Variants in AKR1B10 observed in about 807,000 individuals in gnomAD.
AKR1B10 encodes the protein aldo-keto reductase family 1 member B10, also known as ARP.
AKR1B10 carries 39 observed loss-of-function variants against 38.9 expected under a neutral mutation model. That is an observed-to-expected ratio of 1.00 (90% CI 0.78 to 1.31). AKR1B10 has a LOEUF of 1.31. Ranked by LOEUF, AKR1B10 falls within the 50% of genes most tolerant of loss-of-function variation. The pLI is 0.00. For synonymous variants in AKR1B10, 148 were observed against 141.2 expected (o/e 1.05, Z -0.34); for missense variants, 361 against 382.6 (o/e 0.94, Z 0.47).
At chr7:134,529,404 C>A (rs1341220957) in intron 1 of AKR1B10, among the ~76,000 whole-genome samples, 1 of 152,192 alleles carries the variant, frequency 6.6e-6, no homozygotes, top group Non-Finnish European at 1.5e-5. Flanking sequence ...GGAATCTACT[C>A]ACCCTGGGTG....
At chr7:134,530,889 T>G in intron 2 of AKR1B10, 79 bp downstream of exon 2, 1 of 1,530,064 alleles carries the variant, frequency 6.5e-7, no homozygotes, top group Admixed American at 2.1e-5. Flanking sequence ...GCAAGAACTC[T>G]GTCAGCCTTT....
In AKR1B10 at chr7:134,530,764, T is replaced by A. The variant is rs760550433; in HGVS notation, c.188T>A (p.Ile63Asn). 37 of 1,613,702 alleles carry A rather than the reference T, an allele frequency of 2.3e-5. 1 individual carries two copies. The highest frequency in any genetic ancestry group is 3.1e-5 in the Non-Finnish European group (36 of 1,179,896). ...GTGGGGGAAGCCATCCAAGAGAAGATCCAAGAGAAGGCTGTGAAGCGGGAG... is the reference window on the plus strand; with the variant it reads ...GTGGGGGAAGCCATCCAAGAGAAGAACCAAGAGAAGGCTGTGAAGCGGGAG... ...HEVGEAIQEK[I>N]QEKAVKREDL... Residue 63 changes from isoleucine (I) to asparagine (N), a missense_variant, in exon 2 of 10, where the codon ATC becomes AAC. By Grantham distance (149) the Ile-to-Asn change is moderately radical. Coordinates refer to ENST00000359579, the MANE Select transcript of AKR1B10 (RefSeq NM_020299.5).
intron 8 of AKR1B10, 43 bp downstream of exon 8, chr7:134,538,320 G>C: frequency 6.4e-7 from 1 of 1,569,456 alleles, no homozygotes; most frequent in Non-Finnish European, 8.8e-7. Context: ...TCAGTGGAGT[G>C]GGGGACAGGC....
rs1808062106 is a variant in AKR1B10, at chr7:134,538,194, G to T, written c.742G>T (p.Val248Phe). Residue 248 changes from valine (V) to phenylalanine (F), a missense_variant and splice_region_variant, in exon 8 of 10, where the codon GTT (valine) becomes TTT (phenylalanine). Coordinates refer to ENST00000359579, the MANE Select transcript of AKR1B10 (RefSeq NM_020299.5). ...AAKHKKTAAQ[V>F]LIRFHIQRNV... ...AGCCTGATGTCCCCTTTCCGCATAGGTTCTGATCCGTTTCCATATCCAGAG... is the reference window on the plus strand; with the variant it reads ...AGCCTGATGTCCCCTTTCCGCATAGTTTCTGATCCGTTTCCATATCCAGAG... The T allele has an allele frequency of 1.2e-6, 2 of 1,613,838 alleles. No homozygotes were observed. Among genetic ancestry groups the T allele is most frequent in the African/African-American group, 1.3e-5 (1 of 74,894 alleles).
In AKR1B10 at chr7:134,533,934, G is replaced by C. The variant is rs565512122; in HGVS notation, c.429+853G>C. 2.0e-5 allele frequency among the ~76,000 whole-genome samples: 3 copies of C among 152,322 alleles called. No individual in the cohort carries two copies. The East Asian group carries it at 5.8e-4, about 29-fold the overall frequency. ...AATGAACAGTGGCTTATGACTCCAAGAGTTAATCGTGTTATTTTGGTAGCT... is the reference window on the plus strand; with the variant it reads ...AATGAACAGTGGCTTATGACTCCAACAGTTAATCGTGTTATTTTGGTAGCT... On this transcript the variant is annotated intron_variant, in intron 4 of 9. Transcript: ENST00000359579.
At chr7:134,540,912 T>C (rs778171493) in intron 9 of AKR1B10, 135 bp from the exon 10 acceptor site, 1 of 682,634 alleles carries the variant, frequency 1.5e-6, no homozygotes, top group Non-Finnish European at 2.5e-6. Context: ...GGCACCCTCC[T>C]TATGTTCTTG....
intron 9 of AKR1B10, among the ~76,000 whole-genome samples, chr7:134,539,561 A>G (rs747212432): frequency 3.9e-5 from 6 of 152,128 alleles, no homozygotes; most frequent in Non-Finnish European, 7.4e-5. Flanking sequence ...TGAGGGATAT[A>G]CCATATGCAT....
chr7:134,533,739 T>A (rs1807927543), intron 4 of AKR1B10, among the ~76,000 whole-genome samples: 1 of 152,170 alleles, frequency 6.6e-6, no homozygotes, highest in South Asian at 2.1e-4. Context: ...TGAAGACACA[T>A]CCAGAAATCA....
At chr7:134,539,396 A>G (rs533998336) in intron 9 of AKR1B10, among the ~76,000 whole-genome samples, 21 of 152,258 alleles carry the variant, frequency 1.4e-4, no homozygotes, top group East Asian at 1.3e-3. Flanking sequence ...GGAGGGAGGG[A>G]AGAAGAGACA....
intron 9 of AKR1B10, among the ~76,000 whole-genome samples, chr7:134,540,838 G>C (rs892731382): frequency 6.6e-6 from 1 of 152,074 alleles, no homozygotes; most frequent in African/African-American, 2.4e-5. Context: ...CTGCTGCCCT[G>C]CTCACTGTCT....
rs1400212055 is a variant in AKR1B10 at position 134,532,002 on chromosome 7, T to C, written c.329T>C (p.Ile110Thr). Residue 110 changes from isoleucine to threonine, a missense_variant, in exon 3 of 10, where the codon ATT (isoleucine) becomes ACT (threonine). By Grantham distance (89) the Ile-to-Thr change is moderately conservative. Around this residue, in one of 3 missense-constraint regions of AKR1B10, gnomAD observed 220 missense variants for 216.1 expected, o/e 1.02. Transcript: ENST00000359579. ...LKLSYLDVYL[I>T]HWPQGFKSGD... Reference sequence around the variant, plus strand: ...CTGAGCTATCTGGACGTCTATCTTATTCACTGGCCACAGGGATTCAAGGTT... The same window carrying C: ...CTGAGCTATCTGGACGTCTATCTTACTCACTGGCCACAGGGATTCAAGGTT... 2.5e-6 allele frequency: 4 copies of C among 1,614,120 alleles called. No individual in the cohort carries two copies. The highest frequency in any genetic ancestry group is 3.3e-5 in the Admixed American group (2 of 60,020).
chr7:134,532,758 T>C (rs1322429756), intron 3 of AKR1B10, among the ~76,000 whole-genome samples: 1 of 152,230 alleles, frequency 6.6e-6, no homozygotes, highest in Admixed American at 6.5e-5. Context: ...TCCATGGTGA[T>C]AATGAACTTC....
At chr7:134,531,131 G>A (rs1300684119) in intron 2 of AKR1B10, among the ~76,000 whole-genome samples, 3 of 152,168 alleles carry the variant, frequency 2.0e-5, no homozygotes, top group Admixed American at 2.0e-4. Flanking sequence ...CAAGGGTGCA[G>A]GCGGGTCTTG....
Position 134,538,367 on chromosome 7 carries a change from T to C in AKR1B10, c.825+90T>C, listed in dbSNP as rs186788799. 2.5e-3 allele frequency: 3,302 copies of C among 1,305,372 alleles called. 12 individuals are homozygous for C. The highest frequency in any genetic ancestry group is 0.01 in the Admixed American group (553 of 54,314). 80.9% of individuals were successfully genotyped at this position (1,305,372 alleles called of 1,614,324 possible). Reference sequence around the variant, plus strand: ...CTAGGCTTCTCACCTCATCGCTGCATTGTCTTTTGCCCCCTCCCTTCCCAC... The same window carrying C: ...CTAGGCTTCTCACCTCATCGCTGCACTGTCTTTTGCCCCCTCCCTTCCCAC... On this transcript the variant is annotated intron_variant, in intron 8 of 9. Coordinates refer to ENST00000359579, the MANE Select transcript of AKR1B10 (RefSeq NM_020299.5).
Position 134,530,649 on chromosome 7 carries a change from C to G in AKR1B10, c.73C>G (p.Leu25Val), listed in dbSNP as rs1807825412. 1 of 1,613,964 alleles carries G rather than the reference C, an allele frequency of 6.2e-7. No individual in the cohort carries two copies. The highest frequency in any genetic ancestry group is 8.5e-7 in the Non-Finnish European group (1 of 1,179,912). Residue 25 changes from leucine to valine, a missense_variant, in exon 2 of 10, where the codon CTT becomes GTT. Physicochemically the swap from Leu to Val is conservative, Grantham distance 32. Coordinates refer to ENST00000359579, the MANE Select transcript of AKR1B10 (RefSeq NM_020299.5). The stretch of plus-strand genomic sequence containing the variant: ...CTTTTCTTTTGCCTTTCAGTCTCCT[C>G]TTGGCAAAGTGAAAGAAGCAGTGAA... The part of the protein sequence containing the change: ...IVGLGTWKSP[L>V]GKVKEAVKVA...
chr7:134,528,190 C>T (rs1343316243), intron 1 of AKR1B10, among the ~76,000 whole-genome samples: 1 of 152,194 alleles, frequency 6.6e-6, no homozygotes, highest in African/African-American at 2.4e-5. Flanking sequence ...ATGAGAGCTT[C>T]TCTAGCAAGT....
At chr7:134,535,701 T>C (rs1807984040) in intron 4 of AKR1B10, 1 of 984,462 alleles carries the variant, frequency 1.0e-6, no homozygotes, top group South Asian at 4.7e-5. Context: ...TCTGACTCTG[T>C]CTATGCCGCT....
intron 1 of AKR1B10, among the ~76,000 whole-genome samples, chr7:134,529,798 T>TCTTTC (rs1344169630): frequency 6.6e-6 from 1 of 152,154 alleles, no homozygotes; most frequent in African/African-American, 2.4e-5. Flanking sequence ...TCTTTTCTTT[T>TCTTTC]CTTTCCTTCC....
At position 134,531,946 on chromosome 7, in the gene AKR1B10, A is replaced by T; in HGVS notation, c.273A>T (p.Lys91Asn). ...PTFFERPLVR[K>N]AFEKTLKDLK... ...TCTTTGAGAGACCCCTTGTGAGGAA[A>T]GCCTTTGAGAAGACCCTCAAGGACC... is the stretch of plus-strand genomic sequence containing the variant. Residue 91 changes from lysine to asparagine, a missense_variant, in exon 3 of 10, where the codon AAA (lysine) becomes AAT (asparagine). By Grantham distance (94) the Lys-to-Asn change is moderately conservative. Coordinates refer to ENST00000359579, the MANE Select transcript of AKR1B10 (RefSeq NM_020299.5). 1 of 1,614,134 alleles carries T rather than the reference A, an allele frequency of 6.2e-7. No individual in the cohort carries two copies. Among genetic ancestry groups the T allele is most frequent in the Non-Finnish European group, 8.5e-7 (1 of 1,179,984 alleles).
Sources: gnomAD v4.1 joint callset for allele counts (sites outside exome capture counted in the v4.1 genomes callset) on GRCh38, gnomAD v4.1.1 for gene constraint, gnomAD v4.1.1 regional missense constraint, MANE v1.5 for transcripts, NCBI Gene and HGNC (gene_info 2026-07-23, HGNC 2026-07-21) for gene names.